The following NKAIN3 variants were observed in gnomAD, a reference collection of about 807,000 sequenced individuals.
NKAIN3 encodes the protein sodium/potassium-transporting ATPase subunit beta-1-interacting protein 3.
In NKAIN3, 25 loss-of-function variants were observed where a neutral mutation model predicts 30.2. The observed-to-expected ratio is 0.83, with a 90% CI of 0.60 to 1.16. The LOEUF (loss-of-function observed/expected upper bound fraction) is 1.16. Among genes scored for constraint, NKAIN3 ranks in the 50% most tolerant of loss-of-function variants. NKAIN3 has a pLI of 0.00. For missense variants in NKAIN3, 225 were observed against 254.1 expected, an observed-to-expected ratio of 0.89 and a Z score of 0.78; for synonymous variants, 91 against 89.6, an observed-to-expected ratio of 1.02 and a Z score of -0.09.
intron 1 of NKAIN3, among the ~76,000 whole-genome samples, chr8:62,353,221 AAAAT>A (rs1234553554): frequency 1.3e-5 from 2 of 152,230 alleles, no homozygotes; most frequent in African/African-American, 4.8e-5. Flanking sequence ...AAAAAATAAA[AAAAT>A]AAGCCAACTC....
intron 1 of NKAIN3, among the ~76,000 whole-genome samples, chr8:62,271,310 T>C (rs1460630425): frequency 5.9e-5 from 9 of 152,178 alleles, no homozygotes; most frequent in Non-Finnish European, 1.2e-4. Context: ...TACTGTTGTC[T>C]TTAAGCACAA....
intron 1 of NKAIN3, among the ~76,000 whole-genome samples, chr8:62,378,859 G>C (rs1817180264): frequency 6.6e-6 from 1 of 152,154 alleles, no homozygotes; most frequent in Admixed American, 6.5e-5. Context: ...AAGTCCCACT[G>C]GGGCACTGCA....
At chr8:62,622,967 G>C (rs1811665629) in intron 3 of NKAIN3, among the ~76,000 whole-genome samples, 2 of 151,802 alleles carry the variant, frequency 1.3e-5, no homozygotes, top group African/African-American at 4.8e-5. Context: ...TCTCATATAA[G>C]ATAAAATTAA....
intron 3 of NKAIN3, among the ~76,000 whole-genome samples, chr8:62,724,666 A>T (rs950992875): frequency 3.3e-5 from 5 of 152,112 alleles, no homozygotes; most frequent in African/African-American, 1.2e-4. Context: ...TTTTTTTAAC[A>T]TAATGACTTC....
chr8:62,294,703 A>T (rs1813769727), intron 1 of NKAIN3, among the ~76,000 whole-genome samples: 1 of 151,858 alleles, frequency 6.6e-6, no homozygotes. Flanking sequence ...ATGCTGGTAA[A>T]TTTTTGTATT....
At chr8:62,297,330 A>C (rs983557317) in intron 1 of NKAIN3, among the ~76,000 whole-genome samples, 3 of 152,148 alleles carry the variant, frequency 2.0e-5, no homozygotes, top group South Asian at 2.1e-4. Context: ...ATGGGATCTA[A>C]TTAAACTAAA....
intron 4 of NKAIN3, among the ~76,000 whole-genome samples, chr8:62,900,846 T>A (rs913069625): frequency 6.6e-6 from 1 of 152,134 alleles, no homozygotes; most frequent in Non-Finnish European, 1.5e-5. Context: ...ACCACAAAGA[T>A]GGACTCTTGA....
At chr8:62,885,715 C>T (rs1821127185) in intron 4 of NKAIN3, among the ~76,000 whole-genome samples, 1 of 152,078 alleles carries the variant, frequency 6.6e-6, no homozygotes, top group Admixed American at 6.6e-5. Flanking sequence ...GGAAGTGATC[C>T]CTTTGTGATT....
chr8:62,451,285 T>TCCCC (rs1805633085), intron 1 of NKAIN3, among the ~76,000 whole-genome samples: 1 of 143,906 alleles, frequency 6.9e-6, no homozygotes, highest in Non-Finnish European at 1.5e-5. Context: ...TTCTCTCCCC[T>TCCCC]TCCCTCCCCT....
At position 62,419,767 on chromosome 8, in the gene NKAIN3, C is replaced by G. The variant is rs1804572709; in HGVS notation, c.55-159772C>G. On this transcript the variant is annotated intron_variant, in intron 1 of 6. Transcript: ENST00000623646. ...CTTCCTATTTCCTGGTGGTTTGGAG[C>G]TCTGACTTTGGGAGAAATTCTCCAA... is the stretch of plus-strand genomic sequence containing the variant. Among the ~76,000 whole-genome samples, 4 of 152,126 alleles carry G rather than the reference C, an allele frequency of 2.6e-5. No homozygotes were observed. In the South Asian group the frequency reaches 8.3e-4, roughly 32 times the overall value.
intron 1 of NKAIN3, chr8:62,383,660 A>G (rs757995834): frequency 2.5e-6 from 1 of 395,364 alleles, no homozygotes; most frequent in Non-Finnish European, 5.0e-6. Context: ...CTGGCATTAA[A>G]TTCTCCAACT....
At chr8:62,569,568 G>A (rs1351936226) in intron 1 of NKAIN3, among the ~76,000 whole-genome samples, 3 of 151,974 alleles carry the variant, frequency 2.0e-5, no homozygotes, top group African/African-American at 2.4e-5. Flanking sequence ...TTGAGGCCAG[G>A]ACTTTGAGAA....
At chr8:62,687,849 C>T (rs1194757792) in intron 3 of NKAIN3, among the ~76,000 whole-genome samples, 2 of 152,184 alleles carry the variant, frequency 1.3e-5, no homozygotes, top group African/African-American at 2.4e-5. Context: ...GATTGGAAAG[C>T]CAAAAGATAG....
intron 4 of NKAIN3, among the ~76,000 whole-genome samples, chr8:62,887,529 G>C (rs1191496939): frequency 2.0e-5 from 3 of 151,936 alleles, no homozygotes; most frequent in African/African-American, 7.2e-5. Flanking sequence ...TTGTCCCACT[G>C]TTTTTAAATA....
chr8:62,250,403 C>T (rs1399581419), intron 1 of NKAIN3, among the ~76,000 whole-genome samples: 1 of 152,082 alleles, frequency 6.6e-6, no homozygotes, highest in East Asian at 1.9e-4. Flanking sequence ...TTGTGAAATA[C>T]TTGAATCAAA....
intron 1 of NKAIN3, among the ~76,000 whole-genome samples, chr8:62,310,616 G>A (rs188815467): frequency 2.0e-5 from 3 of 150,294 alleles, no homozygotes; most frequent in East Asian, 1.9e-4. Context: ...CATAAGATTC[G>A]AAAGTGTAAA....
At chr8:62,603,107 G>A (rs1811031112) in intron 3 of NKAIN3, among the ~76,000 whole-genome samples, 2 of 152,074 alleles carry the variant, frequency 1.3e-5, no homozygotes, top group Non-Finnish European at 2.9e-5. Context: ...CATTGTAGAA[G>A]AACAATACGT....
intron 3 of NKAIN3, among the ~76,000 whole-genome samples, chr8:62,596,381 T>C (rs1810836415): frequency 6.6e-6 from 1 of 152,066 alleles, no homozygotes; most frequent in African/African-American, 2.4e-5. Flanking sequence ...TCTATTTCCC[T>C]TTCCTTTCCT....
At chr8:62,477,713 A>G (rs1187775858) in intron 1 of NKAIN3, among the ~76,000 whole-genome samples, 1 of 152,170 alleles carries the variant, frequency 6.6e-6, no homozygotes, top group Non-Finnish European at 1.5e-5. Flanking sequence ...CAGCAGTAAA[A>G]TAGAAGTTCT....
Sources: gnomAD v4.1 joint callset for allele counts (sites outside exome capture counted in the v4.1 genomes callset) on GRCh38, gnomAD v4.1.1 for gene constraint, MANE v1.5 for transcripts, NCBI Gene and HGNC (gene_info 2026-07-23, HGNC 2026-07-21) for gene names.